CAMK4: variants seen among roughly 807,000 people sequenced by gnomAD.
The protein encoded by CAMK4 is calcium/calmodulin dependent protein kinase IV, also known as calcium/calmodulin-dependent protein kinase type IV.
CAMK4 carries 22 observed loss-of-function variants against 44.9 expected under a neutral mutation model. The observed-to-expected ratio is 0.49, with a 90% CI of 0.35 to 0.70. The LOEUF (loss-of-function observed/expected upper bound fraction) is 0.70. Ranked by LOEUF, CAMK4 falls within the 30% of genes least tolerant of loss-of-function variation. CAMK4 has a pLI of 0.01. For synonymous variants in CAMK4, 218 were observed against 215.4 expected, an observed-to-expected ratio of 1.01 and a Z score of -0.11; for missense variants, 498 against 586.8, an observed-to-expected ratio of 0.85 and a Z score of 1.56.
chr5:111,436,864 C>T (rs529902793), intron 5 of CAMK4, among the ~76,000 whole-genome samples: 3 of 152,294 alleles, frequency 2.0e-5, no homozygotes, highest in Admixed American at 2.0e-4. Context: ...CCCCAAACTC[C>T]CCTGAGGCAA....
chr5:111,386,351 G>A (rs543299006), intron 4 of CAMK4, among the ~76,000 whole-genome samples: 1 of 152,276 alleles, frequency 6.6e-6, no homozygotes, highest in South Asian at 2.1e-4. Flanking sequence ...TGATCCTTCA[G>A]TACACATTCT....
intron 2 of CAMK4, among the ~76,000 whole-genome samples, chr5:111,369,772 C>A (rs772552309): frequency 6.6e-6 from 1 of 152,262 alleles, no homozygotes; most frequent in East Asian, 1.9e-4. Flanking sequence ...CATTTATGAA[C>A]GTGCTCTAAT....
intron 4 of CAMK4, among the ~76,000 whole-genome samples, chr5:111,390,803 G>T (rs898143021): frequency 1.3e-5 from 2 of 152,074 alleles, no homozygotes; most frequent in Non-Finnish European, 2.9e-5. Flanking sequence ...AAACCAGGTG[G>T]CCGGGTATCC....
chr5:111,325,174 T>G (rs1447989749), intron 1 of CAMK4, among the ~76,000 whole-genome samples: 1 of 152,000 alleles, frequency 6.6e-6, no homozygotes, highest in African/African-American at 2.4e-5. Flanking sequence ...GCAAAGGACA[T>G]GAAGTCATCC....
chr5:111,428,617 A>G (rs1428400673), intron 5 of CAMK4, among the ~76,000 whole-genome samples: 1 of 152,230 alleles, frequency 6.6e-6, no homozygotes, highest in Non-Finnish European at 1.5e-5. Flanking sequence ...GAATCCTTTA[A>G]TAGCAGAATG....
At chr5:111,419,020 T>G (rs1580726900) in intron 5 of CAMK4, among the ~76,000 whole-genome samples, 1 of 152,282 alleles carries the variant, frequency 6.6e-6, no homozygotes, top group East Asian at 1.9e-4. Flanking sequence ...ATCGCCACAC[T>G]GACTTCCACA....
rs575675395 is a variant in CAMK4, at chr5:111,337,647, T to C, written c.162-6377T>C. Among the ~76,000 whole-genome samples the C allele has an allele frequency of 3.3e-5, 5 of 151,208 alleles. No homozygotes were observed. The East Asian group carries it at 7.8e-4, about 24-fold the overall frequency. ...TACTTTCAGACTAGGTGGTCTTCAG[T>C]ATGTCAAAAGAACAAAGAGGTTGGA... On this transcript the variant is annotated intron_variant, in intron 1 of 10. Transcript: ENST00000282356.
intron 1 of CAMK4, among the ~76,000 whole-genome samples, chr5:111,232,538 A>G (rs1378422162): frequency 1.3e-5 from 2 of 152,198 alleles, no homozygotes; most frequent in African/African-American, 4.8e-5. Flanking sequence ...AGATTGGGTC[A>G]GCAGGGTAAG....
intron 1 of CAMK4, among the ~76,000 whole-genome samples, chr5:111,296,452 G>A (rs768253463): frequency 6.6e-6 from 1 of 152,148 alleles, no homozygotes; most frequent in Non-Finnish European, 1.5e-5. Flanking sequence ...TCCTGGTTTG[G>A]CAAATCTTTT....
At chr5:111,324,938 C>G (rs1748813824) in intron 1 of CAMK4, among the ~76,000 whole-genome samples, 2 of 151,822 alleles carry the variant, frequency 1.3e-5, no homozygotes, top group Non-Finnish European at 2.9e-5. Context: ...CACCTATCAA[C>G]CCGTCATCTA....
chr5:111,297,871 G>A (rs1203847628), intron 1 of CAMK4, among the ~76,000 whole-genome samples: 1 of 152,144 alleles, frequency 6.6e-6, no homozygotes, highest in Non-Finnish European at 1.5e-5. Flanking sequence ...CTGTAGTTGT[G>A]TTAGCTCATT....
intron 1 of CAMK4, among the ~76,000 whole-genome samples, chr5:111,225,619 T>G (rs1748151947): frequency 6.6e-6 from 1 of 152,222 alleles, no homozygotes; most frequent in African/African-American, 2.4e-5. Flanking sequence ...TGCAATTTCA[T>G]TTTTCATTCT....
intron 1 of CAMK4, among the ~76,000 whole-genome samples, chr5:111,273,395 A>G (rs1263862599): frequency 6.6e-6 from 1 of 151,898 alleles, no homozygotes; most frequent in Non-Finnish European, 1.5e-5. Context: ...AACAATTTAT[A>G]TGCAGATTGT....
intron 1 of CAMK4, among the ~76,000 whole-genome samples, chr5:111,317,224 A>G (rs1748463368): frequency 6.6e-6 from 1 of 152,142 alleles, no homozygotes; most frequent in African/African-American, 2.4e-5. Context: ...AGGGACTGAA[A>G]TGTGCTAAAA....
intron 1 of CAMK4, among the ~76,000 whole-genome samples, chr5:111,263,390 A>G (rs1188549199): frequency 6.6e-6 from 1 of 152,194 alleles, no homozygotes; most frequent in Non-Finnish European, 1.5e-5. Context: ...GAAGGCTGTT[A>G]AGGGACAATA....
chr5:111,350,433 C>T lies in CAMK4; in HGVS notation c.240+6331C>T, dbSNP rs556604116. Among the ~76,000 whole-genome samples the T allele has an allele frequency of 2.0e-5, 3 of 152,070 alleles. No homozygotes were observed. The South Asian group carries it at 6.2e-4, about 32-fold the overall frequency. ...TTTTGGAGTACTTTTGAAATTACTG[C>T]TGAAAATGGATACATATTCTCTTAT... On this transcript the variant is annotated intron_variant, in intron 2 of 10. Transcript: ENST00000282356.
At chr5:111,245,845 A>G (rs1037592602) in intron 1 of CAMK4, among the ~76,000 whole-genome samples, 1 of 152,240 alleles carries the variant, frequency 6.6e-6, no homozygotes, top group African/African-American at 2.4e-5. Flanking sequence ...CATGTGAACA[A>G]ACCTATCAGC....
intron 2 of CAMK4, among the ~76,000 whole-genome samples, chr5:111,373,677 A>T (rs1299125320): frequency 6.6e-6 from 1 of 152,094 alleles, no homozygotes; most frequent in Non-Finnish European, 1.5e-5. Flanking sequence ...GGGAGAACCC[A>T]TTTCCCATTT....
At chr5:111,407,254 G>A (rs561718233) in intron 5 of CAMK4, among the ~76,000 whole-genome samples, 22 of 152,020 alleles carry the variant, frequency 1.4e-4, no homozygotes, top group African/African-American at 4.3e-4. Context: ...GAGAGGCTGA[G>A]GCAAGAGAAT....
Sources: allele counts gnomAD v4.1 joint callset (sites outside exome capture counted in the v4.1 genomes callset), GRCh38; gene constraint gnomAD v4.1.1; transcripts MANE v1.5; gene names NCBI Gene and HGNC (gene_info 2026-07-23, HGNC 2026-07-21).